The following HPSE2 variants were observed in gnomAD, a reference collection of about 807,000 sequenced individuals.
HPSE2 encodes the protein heparanase 2 (inactive).
Under a neutral mutation model 60.5 loss-of-function variants are expected in HPSE2, and 38 were observed. That is an observed-to-expected ratio of 0.63 (90% CI 0.48 to 0.82). HPSE2 has a LOEUF of 0.82. Ranked by LOEUF, HPSE2 falls within the 40% of genes least tolerant of loss-of-function variation. The pLI is 0.00. For missense variants in HPSE2, 713 were observed against 740.4 expected (o/e 0.96, Z 0.43); for synonymous variants, 295 against 293.2 (o/e 1.01, Z -0.06).
At chr10:99,275,742 TG>T in the HPSE2 span, among the ~76,000 whole-genome samples, 1 of 152,288 alleles carries the variant, frequency 6.6e-6, no homozygotes, top group East Asian at 1.9e-4. Context: ...TCCATACCCT[TG>T]CCCCCAACAA....
rs1021691834 is a variant in HPSE2 at position 99,040,844 on chromosome 10, T to G, written c.610+103394A>C. On this transcript the variant is annotated intron_variant, in intron 3 of 11. Transcript: ENST00000370552. ...GCTCACGCCTGTAATCCCAGCACTTTGGGAGGCCGAGGCGAGCGGATCACA... is the reference window on the plus strand; with the variant it reads ...GCTCACGCCTGTAATCCCAGCACTTGGGGAGGCCGAGGCGAGCGGATCACA... Among the ~76,000 whole-genome samples, 5 of 152,136 alleles carry G rather than the reference T, an allele frequency of 3.3e-5. No individual in the cohort carries two copies. In the South Asian group the frequency reaches 1.0e-3, roughly 32 times the overall value.
At chr10:99,113,724 T>C (rs989049941) in intron 3 of HPSE2, among the ~76,000 whole-genome samples, 1 of 152,196 alleles carries the variant, frequency 6.6e-6, no homozygotes, top group East Asian at 1.9e-4. Context: ...AAGTTTCAAA[T>C]AGTTTTTTAA....
chr10:99,152,248 T>G, intron 2 of HPSE2, among the ~76,000 whole-genome samples: 1 of 150,726 alleles, frequency 6.6e-6, no homozygotes, highest in African/African-American at 2.5e-5. Flanking sequence ...GAGGCAGAGC[T>G]TGCAGTGAGC....
chr10:99,058,978 G>T (rs185782580), intron 3 of HPSE2, among the ~76,000 whole-genome samples: 1 of 152,294 alleles, frequency 6.6e-6, no homozygotes, highest in African/African-American at 2.4e-5. Flanking sequence ...TAGCATAAAA[G>T]CAACCATAGA....
intron 11 of HPSE2, among the ~76,000 whole-genome samples, chr10:98,467,475 A>G (rs1940585423): frequency 6.6e-6 from 1 of 152,058 alleles, no homozygotes; most frequent in African/African-American, 2.4e-5. Flanking sequence ...TGGATTGTTA[A>G]ATGATGAGAG....
At position 98,468,308 on chromosome 10, in the gene HPSE2, C is replaced by T. The variant is rs60377780; in HGVS notation, c.1614-8569G>A. Among the ~76,000 whole-genome samples the T allele has an allele frequency of 5.2e-3, 794 of 152,308 alleles. 6 individuals are homozygous for T. The highest frequency in any genetic ancestry group is 0.018 in the African/African-American group (755 of 41,572). The stretch of plus-strand genomic sequence containing the variant: ...AAGTGGCCCCTGCAGGTGGTGTCGC[C>T]TGGTACCCCATGTCCGGCTGGAGGA... On this transcript the variant is annotated intron_variant, in intron 11 of 11. Transcript: ENST00000370552.
At chr10:99,197,888 T>C (rs1230419299) in intron 2 of HPSE2, among the ~76,000 whole-genome samples, 2 of 151,994 alleles carry the variant, frequency 1.3e-5, no homozygotes, top group Non-Finnish European at 2.9e-5. Flanking sequence ...ATGGCCAACA[T>C]GGTGAAACCC....
rs138519818 is a variant in HPSE2, at chr10:98,851,250, C to A, written c.611-107194G>T. The stretch of plus-strand genomic sequence containing the variant: ...TCTTGAAGACATAGGCAGGAAGTTA[C>A]CTAAGACACAAGGAGGCTAGCTGAG... On this transcript the variant is annotated intron_variant, in intron 3 of 11. Transcript: ENST00000370552. Among the ~76,000 whole-genome samples, 477 of 152,246 alleles carry A rather than the reference C, an allele frequency of 3.1e-3. 3 individuals carry two copies. The Middle Eastern group carries it at 0.034, about 11-fold the overall frequency.
At chr10:99,260,052 C>T in the HPSE2 span, among the ~76,000 whole-genome samples, 1 of 152,104 alleles carries the variant, frequency 6.6e-6, no homozygotes, top group Non-Finnish European at 1.5e-5. Flanking sequence ...TGCTTATTCA[C>T]CATCAGTAGC....
intron 3 of HPSE2, among the ~76,000 whole-genome samples, chr10:98,891,492 A>T (rs374657368): frequency 1.2e-4 from 18 of 152,288 alleles, no homozygotes; most frequent in African/African-American, 4.3e-4. Flanking sequence ...TGTGTGACCC[A>T]GGCTGGAATA....
intron 9 of HPSE2, among the ~76,000 whole-genome samples, chr10:98,496,917 A>G (rs56303044): frequency 0.035 from 5,375 of 152,196 alleles, 330 homozygotes; most frequent in African/African-American, 0.12. Flanking sequence ...AGGAAAACAC[A>G]TCAATATTTT....
intron 9 of HPSE2, among the ~76,000 whole-genome samples, chr10:98,518,007 G>A (rs1383188948): frequency 3.3e-5 from 5 of 152,188 alleles, no homozygotes; most frequent in Admixed American, 6.5e-5. Context: ...TTCCCTCCCA[G>A]TGTCTAGTAC....
At position 99,184,815 on chromosome 10, in the gene HPSE2, T is replaced by G. The variant is rs1251566954; in HGVS notation, c.449-40416A>C. ...ATATATATATATATATATATATATA[T>G]ATATAGAGAGAGAGAGAGAGAGAGA... is the stretch of plus-strand genomic sequence containing the variant. On this transcript the variant is annotated intron_variant, in intron 2 of 11. Coordinates refer to ENST00000370552, the MANE Select transcript of HPSE2 (RefSeq NM_021828.5). Among the ~76,000 whole-genome samples the G allele has an allele frequency of 7.3e-3, 209 of 28,588 alleles. 3 individuals carry two copies. The highest frequency in any genetic ancestry group is 0.016 in the African/African-American group (173 of 10,842). 18.8% of individuals were successfully genotyped at this position (28,588 alleles called of 152,430 possible).
chr10:98,590,795 G>A (rs1304938116), intron 9 of HPSE2, among the ~76,000 whole-genome samples: 1 of 152,164 alleles, frequency 6.6e-6, no homozygotes, highest in South Asian at 2.1e-4. Context: ...CAGACTGCCT[G>A]GATTTGAATT....
At chr10:98,503,604 G>C (rs961506555) in intron 9 of HPSE2, among the ~76,000 whole-genome samples, 1 of 152,138 alleles carries the variant, frequency 6.6e-6, no homozygotes, top group Non-Finnish European at 1.5e-5. Flanking sequence ...GCAAAATCAT[G>C]GAACCAACCC....
At chr10:98,463,309 C>T (rs547551251) in intron 11 of HPSE2, among the ~76,000 whole-genome samples, 2 of 152,230 alleles carry the variant, frequency 1.3e-5, no homozygotes, top group Non-Finnish European at 1.5e-5. Flanking sequence ...CCAGTCCCCC[C>T]TCCAACGCTC....
chr10:98,808,303 G>C lies in HPSE2; in HGVS notation c.611-64247C>G, dbSNP rs146902628. Among the ~76,000 whole-genome samples the C allele has an allele frequency of 8.1e-4, 123 of 152,196 alleles. 1 individual carries two copies. The highest frequency in any genetic ancestry group is 2.7e-3 in the African/African-American group (114 of 41,540). ...ATCACTCCTGTGTCAGACTGTCTTAGAGACTCATCCTTCCATTTTTACATC... is the reference window on the plus strand; with the variant it reads ...ATCACTCCTGTGTCAGACTGTCTTACAGACTCATCCTTCCATTTTTACATC... On this transcript the variant is annotated intron_variant, in intron 3 of 11. Coordinates refer to ENST00000370552, the MANE Select transcript of HPSE2 (RefSeq NM_021828.5).
intron 3 of HPSE2, among the ~76,000 whole-genome samples, chr10:98,916,191 A>G (rs1954115638): frequency 6.6e-6 from 1 of 152,176 alleles, no homozygotes; most frequent in South Asian, 2.1e-4. Flanking sequence ...TGTTCTTTGA[A>G]GATTAAAGAA....
At chr10:98,886,760 A>G (rs1176121872) in intron 3 of HPSE2, among the ~76,000 whole-genome samples, 18 of 152,140 alleles carry the variant, frequency 1.2e-4, no homozygotes, top group Admixed American at 1.2e-3. Context: ...ATAAGACAAG[A>G]ACAGAGTAAA....
Sources: gnomAD v4.1 joint callset for allele counts (sites outside exome capture counted in the v4.1 genomes callset) on GRCh38, gnomAD v4.1.1 for gene constraint, MANE v1.5 for transcripts, NCBI Gene and HGNC (gene_info 2026-07-23, HGNC 2026-07-21) for gene names.